NXPH4: variants seen among roughly 807,000 people sequenced by gnomAD.
NXPH4 encodes neurexophilin-4.
A neutral mutation model predicts 21.3 loss-of-function variants in NXPH4; 8 were observed. That is an observed-to-expected ratio of 0.38 (90% CI 0.22 to 0.68). NXPH4 has a LOEUF of 0.68. Ranked by LOEUF, NXPH4 falls within the 30% of genes least tolerant of loss-of-function variation. The probability of loss-of-function intolerance (pLI) is 0.53; values close to 1 mark genes in which losing one functional copy is unlikely to be tolerated. For missense variants in NXPH4, 418 were observed against 416.8 expected (o/e 1.00, Z -0.03); for synonymous variants, 219 against 192.6 (o/e 1.14, Z -1.13).
chr12:57,220,353 C>A (rs1345785881), intron 1 of NXPH4, among the ~76,000 whole-genome samples: 1 of 152,242 alleles, frequency 6.6e-6, no homozygotes, highest in Non-Finnish European at 1.5e-5. Context: ...CCGGAGCCGG[C>A]GCCTTTATAG....
Position 57,225,209 on chromosome 12 carries a change from A to G in NXPH4, c.389A>G (p.Asp130Gly). Residue 130 changes from aspartate (D) to glycine (G), a missense_variant, in exon 2 of 2, where the codon GAC becomes GGC. Transcript: ENST00000349394. ...CTGCTGGTGACCGGCAAGATCGTGGACCATGTGAACGGTACCTTCAGTGTG... is the reference window on the plus strand; with the variant it reads ...CTGCTGGTGACCGGCAAGATCGTGGGCCATGTGAACGGTACCTTCAGTGTG... Reference protein sequence around the residue: ...FSLLVTGKIVDHVNGTFSVYF... With the variant: ...FSLLVTGKIVGHVNGTFSVYF... 1 of 1,586,018 alleles carries G rather than the reference A, an allele frequency of 6.3e-7. No individual in the cohort carries two copies.
rs1429752681 is a variant in NXPH4, at chr12:57,226,151, C to A, written c.*404C>A. 4.4e-6 allele frequency: 2 copies of A among 449,704 alleles called. No homozygotes were observed. Among genetic ancestry groups the A allele is most frequent in the African/African-American group, 4.0e-5 (2 of 50,624 alleles). The allele number at this position is 449,704 out of a possible 1,614,324, so 27.9% of individuals were successfully genotyped here. On this transcript the variant is annotated 3_prime_UTR_variant, in exon 2 of 2. Coordinates refer to ENST00000349394, the MANE Select transcript of NXPH4 (RefSeq NM_007224.4). Reference sequence around the variant, plus strand: ...ACCCTGACTTTCCCATCCCCCAGCGCTTGTCCTGCTTCACCCTACCCCGCC... The same window carrying A: ...ACCCTGACTTTCCCATCCCCCAGCGATTGTCCTGCTTCACCCTACCCCGCC...
At chr12:57,221,218 C>A in intron 1 of NXPH4, 1 of 411,594 alleles carries the variant, frequency 2.4e-6, no homozygotes, top group Non-Finnish European at 5.1e-6. Context: ...ATCCCTCGTT[C>A]CCAGCCAGAC....
chr12:57,216,925 C>T lies in NXPH4; in HGVS notation c.-45C>T, dbSNP rs1223020786. 3 of 1,496,334 alleles carry T rather than the reference C, an allele frequency of 2.0e-6. No homozygotes were observed. The highest frequency in any genetic ancestry group is 2.1e-5 in the Admixed American group (1 of 48,042). 92.7% of individuals were successfully genotyped at this position (1,496,334 alleles called of 1,614,324 possible). On this transcript the variant is annotated 5_prime_UTR_variant, in exon 1 of 2. Transcript: ENST00000349394. The surrounding 1 kb of genome is among the most constrained non-coding windows in gnomAD (Gnocchi z 5.3). Reference sequence around the variant, plus strand: ...CCGCGTCCCTAGGCCTGGCTCCCGCCTGCCCGAGACCCGCCCAGCCTGCCC... The same window carrying T: ...CCGCGTCCCTAGGCCTGGCTCCCGCTTGCCCGAGACCCGCCCAGCCTGCCC...
At chr12:57,220,688 G>C (rs987810564) in intron 1 of NXPH4, among the ~76,000 whole-genome samples, 3 of 151,992 alleles carry the variant, frequency 2.0e-5, no homozygotes, top group Admixed American at 2.0e-4. Flanking sequence ...ATCCTGCCTG[G>C]TCTTTGCCTT....
chr12:57,221,214 C>G (rs2037088381), intron 1 of NXPH4: 1 of 405,830 alleles, frequency 2.5e-6, no homozygotes, highest in Non-Finnish European at 5.1e-6. Context: ...CTCTATCCCT[C>G]GTTCCCAGCC....
chr12:57,224,694 G>A (rs868645346), intron 1 of NXPH4, among the ~76,000 whole-genome samples, 184 bp from the exon 2 acceptor site: 4 of 152,316 alleles, frequency 2.6e-5, no homozygotes, highest in Middle Eastern at 3.4e-3. Flanking sequence ...AAGTGACTGG[G>A]CCAAGACTAC....
Position 57,220,326 on chromosome 12 carries a change from C to G in NXPH4, c.57+3300C>G, listed in dbSNP as rs901148051. ...TTACATCCCCGCTCCGCGGCTCCCC[C>G]CAACCCCCACCGCGCCCCGGAGCCG... On this transcript the variant is annotated intron_variant, in intron 1 of 1. Coordinates refer to ENST00000349394, the MANE Select transcript of NXPH4 (RefSeq NM_007224.4). 7.2e-5 allele frequency among the ~76,000 whole-genome samples: 11 copies of G among 152,250 alleles called. 1 individual carries two copies. The highest frequency in any genetic ancestry group is 1.0e-4 in the Non-Finnish European group (7 of 68,038).
At position 57,225,802 on chromosome 12, in the gene NXPH4, G is replaced by T; in HGVS notation, c.*55G>T. 6.4e-7 allele frequency: 1 copy of T among 1,565,202 alleles called. No individual in the cohort carries two copies. The stretch of plus-strand genomic sequence containing the variant: ...CGCCAAATCCCAGCCTCACTAGGTG[G>T]GACCCCCTTCCCAGTGTTCTGCCGC... On this transcript the variant is annotated 3_prime_UTR_variant, in exon 2 of 2. Coordinates refer to ENST00000349394, the MANE Select transcript of NXPH4 (RefSeq NM_007224.4).
chr12:57,219,603 A>G (rs549911212), intron 1 of NXPH4, among the ~76,000 whole-genome samples: 19 of 152,104 alleles, frequency 1.2e-4, no homozygotes, highest in African/African-American at 4.3e-4. Flanking sequence ...TCCTGCCTCC[A>G]CACCCTCCTC....
chr12:57,218,698 G>A (rs775306922), intron 1 of NXPH4, among the ~76,000 whole-genome samples: 5 of 152,232 alleles, frequency 3.3e-5, no homozygotes, highest in South Asian at 2.1e-4. Flanking sequence ...TGGGGCCTCC[G>A]TGTTGGAGTC....
Position 57,225,146 on chromosome 12 carries a change from G to C in NXPH4, c.326G>C (p.Gly109Ala). 3.8e-6 allele frequency: 6 copies of C among 1,569,926 alleles called. No individual in the cohort carries two copies. Among genetic ancestry groups the C allele is most frequent in the Non-Finnish European group, 5.2e-6 (6 of 1,158,118 alleles). ...AARAKKIFGW[G>A]DFYFRVHTLK... is the part of the protein sequence containing the mutation. ...CGCGCCAAAAAGATCTTCGGCTGGG[G>C]GGACTTCTACTTTCGGGTGCATACC... Residue 109 changes from glycine to alanine, a missense_variant, in exon 2 of 2, where the codon GGG (glycine) becomes GCG (alanine). Gly to Ala is a moderately conservative substitution (Grantham distance 60, BLOSUM62 0). Transcript: ENST00000349394.
At position 57,217,031 on chromosome 12, in the gene NXPH4, G is replaced by A; in HGVS notation, c.57+5G>A. 1.9e-6 allele frequency: 3 copies of A among 1,600,586 alleles called. No individual in the cohort carries two copies. Among genetic ancestry groups the A allele is most frequent in the Non-Finnish European group, 2.6e-6 (3 of 1,174,188 alleles). On this transcript the variant is annotated splice_donor_5th_base_variant and intron_variant, in intron 1 of 1. Coordinates refer to ENST00000349394, the MANE Select transcript of NXPH4 (RefSeq NM_007224.4). ...GGCCCGTGGCTCCTTAGGAAGGTAA[G>A]AGTGGCAGGGCTGGGGCGCTAGCGC...
intron 1 of NXPH4, 150 bp downstream of exon 1, chr12:57,217,176 C>T: frequency 4.3e-6 from 3 of 696,796 alleles, no homozygotes; most frequent in Non-Finnish European, 6.9e-6. Flanking sequence ...AGACAGACTG[C>T]CCGATTCAGG....
At position 57,221,368 on chromosome 12, in the gene NXPH4, G is replaced by A. The variant is rs776230775; in HGVS notation, c.58-3510G>A. 9 of 455,776 alleles carry A rather than the reference G, an allele frequency of 2.0e-5. No individual in the cohort carries two copies. In the East Asian group the frequency reaches 5.6e-4, roughly 28 times the overall value. 28.2% of individuals were successfully genotyped at this position (455,776 alleles called of 1,614,324 possible). Reference sequence around the variant, plus strand: ...TGGGAGCACCCTGCCTGACCCAGGTGGTAGGGGAAAAGCAACGGGCCAGCC... The same window carrying A: ...TGGGAGCACCCTGCCTGACCCAGGTAGTAGGGGAAAAGCAACGGGCCAGCC... On this transcript the variant is annotated intron_variant, in intron 1 of 1. Coordinates refer to ENST00000349394, the MANE Select transcript of NXPH4 (RefSeq NM_007224.4).
intron 1 of NXPH4, among the ~76,000 whole-genome samples, chr12:57,220,921 T>C (rs2037085083): frequency 6.6e-6 from 1 of 151,680 alleles, no homozygotes; most frequent in African/African-American, 2.4e-5. Context: ...CCTGTGCTTA[T>C]CCCTCATCCA....
At chr12:57,219,770 T>G (rs570199974) in intron 1 of NXPH4, 19 of 152,444 alleles carry the variant, frequency 1.2e-4, no homozygotes, top group African/African-American at 3.9e-4. Context: ...GGCCAGAGCC[T>G]GCAGTGGAAG....
chr12:57,218,094 A>G (rs1395832473), intron 1 of NXPH4, among the ~76,000 whole-genome samples: 1 of 152,026 alleles, frequency 6.6e-6, no homozygotes, highest in Non-Finnish European at 1.5e-5. Context: ...ACTGTGACCT[A>G]CCTAGTTTGG....
Position 57,226,123 on chromosome 12 carries a change from C to G in NXPH4, c.*376C>G, listed in dbSNP as rs1162158585. On this transcript the variant is annotated 3_prime_UTR_variant, in exon 2 of 2. Coordinates refer to ENST00000349394, the MANE Select transcript of NXPH4 (RefSeq NM_007224.4). Reference sequence around the variant, plus strand: ...ATAACTCCTGGCCTGGCACCCTCACCCCACCCTGACTTTCCCATCCCCCAG... The same window carrying G: ...ATAACTCCTGGCCTGGCACCCTCACGCCACCCTGACTTTCCCATCCCCCAG... 1.3e-5 allele frequency: 6 copies of G among 465,232 alleles called. No homozygotes were observed. The highest frequency in any genetic ancestry group is 2.2e-5 in the Non-Finnish European group (6 of 267,406). The allele number at this position is 465,232 out of a possible 1,614,324, so 28.8% of individuals were successfully genotyped here. A position where few individuals can be genotyped will look rare whatever the true frequency, so the allele number is the denominator to read the frequency against.
Sources: allele counts gnomAD v4.1 joint callset (sites outside exome capture counted in the v4.1 genomes callset), GRCh38; gene constraint gnomAD v4.1.1; non-coding constraint Gnocchi (gnomAD v3.1); transcripts MANE v1.5; gene names NCBI Gene and HGNC (gene_info 2026-07-23, HGNC 2026-07-21).